The following SDHAF3 variants were observed in gnomAD, a reference collection of about 807,000 sequenced individuals.
The protein encoded by SDHAF3 is succinate dehydrogenase assembly factor 3, mitochondrial.
In SDHAF3, 18 loss-of-function variants were observed where a neutral mutation model predicts 11.5. The observed-to-expected ratio is 1.56, with a 90% CI of 1.08 to 2.32. The LOEUF is 2.32. Ranked by LOEUF, SDHAF3 falls within the 30% of genes most tolerant of loss-of-function variation. SDHAF3 has a pLI of 0.00. For synonymous variants in SDHAF3, 72 were observed against 59.3 expected, an observed-to-expected ratio of 1.21 and a Z score of -0.99; for missense variants, 200 against 154.4, an observed-to-expected ratio of 1.30 and a Z score of -1.57.
At chr7:97,171,630 A>G (rs1789602755) in intron 1 of SDHAF3, among the ~76,000 whole-genome samples, 1 of 152,100 alleles carries the variant, frequency 6.6e-6, no homozygotes, top group East Asian at 1.9e-4. Flanking sequence ...GAGTACCTTA[A>G]TAATGCTATT....
intron 1 of SDHAF3, among the ~76,000 whole-genome samples, chr7:97,146,687 A>G (rs141433643): frequency 2.0e-4 from 30 of 152,176 alleles, no homozygotes; most frequent in African/African-American, 7.2e-4. Context: ...TTGGGATACC[A>G]AAGAAACTCA....
chr7:97,128,339 A>G (rs1191161420), intron 1 of SDHAF3, among the ~76,000 whole-genome samples: 1 of 152,210 alleles, frequency 6.6e-6, no homozygotes, highest in East Asian at 1.9e-4. Flanking sequence ...CTACTTAGGA[A>G]TATTTAATTT....
rs563418514 is a variant in SDHAF3, at chr7:97,147,311, A to G, written c.174+29414A>G. 5.3e-5 allele frequency among the ~76,000 whole-genome samples: 8 copies of G among 152,322 alleles called. No homozygotes were observed. In the South Asian group the frequency reaches 1.4e-3, roughly 28 times the overall value. ...AGAATTTCAAAATTAGATCTTGTGC[A>G]TTATTTGTGCTCTCATAATTCATTG... On this transcript the variant is annotated intron_variant, in intron 1 of 1. Coordinates refer to ENST00000432641, the MANE Select transcript of SDHAF3 (RefSeq NM_020186.3).
chr7:97,155,722 C>G (rs1463768870), intron 1 of SDHAF3, among the ~76,000 whole-genome samples: 1 of 152,072 alleles, frequency 6.6e-6, no homozygotes, highest in Non-Finnish European at 1.5e-5. Flanking sequence ...GATATATGGA[C>G]AGTAGTATCA....
chr7:97,122,145 C>T (rs1036170217), intron 1 of SDHAF3, among the ~76,000 whole-genome samples: 14 of 152,246 alleles, frequency 9.2e-5, no homozygotes, highest in East Asian at 1.9e-4. Flanking sequence ...CGTGAGCCAC[C>T]GCGCCCGGCC....
intron 1 of SDHAF3, among the ~76,000 whole-genome samples, chr7:97,130,139 G>A (rs964657172): frequency 6.6e-6 from 1 of 152,094 alleles, no homozygotes; most frequent in East Asian, 1.9e-4. Context: ...GGATGTGGTG[G>A]TGGATGCCTG....
At chr7:97,167,606 A>C (rs547407568) in intron 1 of SDHAF3, among the ~76,000 whole-genome samples, 1 of 152,194 alleles carries the variant, frequency 6.6e-6, no homozygotes, top group Non-Finnish European at 1.5e-5. Flanking sequence ...TTATTATTCA[A>C]ATCAATCTCT....
chr7:97,143,011 C>T (rs551844199), intron 1 of SDHAF3, among the ~76,000 whole-genome samples: 6 of 150,732 alleles, frequency 4.0e-5, no homozygotes, highest in South Asian at 4.2e-4. Flanking sequence ...GCGATTCTCC[C>T]GCCTCAACCT....
At chr7:97,143,986 C>T (rs187537029) in intron 1 of SDHAF3, among the ~76,000 whole-genome samples, 13 of 152,242 alleles carry the variant, frequency 8.5e-5, no homozygotes, top group Admixed American at 1.3e-4. Flanking sequence ...ACCGCATCCA[C>T]GCCAACATCT....
At chr7:97,133,151 A>C (rs1791695183) in intron 1 of SDHAF3, among the ~76,000 whole-genome samples, 1 of 152,200 alleles carries the variant, frequency 6.6e-6, no homozygotes, top group Admixed American at 6.5e-5. Context: ...TTTAAGAAAC[A>C]CCGAGTGGGA....
rs543416143 is a variant in SDHAF3 at position 97,154,077 on chromosome 7, G to A, written c.175-26935G>A. 4.6e-5 allele frequency among the ~76,000 whole-genome samples: 7 copies of A among 152,216 alleles called. No homozygotes were observed. In the East Asian group the frequency reaches 1.4e-3, roughly 29 times the overall value. ...TTAGTTCTTATAGGTTTTGGGATAG[G>A]CGGTGGAGTTAGGAGCAATGTTTTG... On this transcript the variant is annotated intron_variant, in intron 1 of 1. Transcript: ENST00000432641.
At chr7:97,141,614 A>G (rs1259387190) in intron 1 of SDHAF3, among the ~76,000 whole-genome samples, 1 of 152,120 alleles carries the variant, frequency 6.6e-6, no homozygotes, top group Non-Finnish European at 1.5e-5. Context: ...CCTGAGATTA[A>G]GAGTCTCATG....
At chr7:97,169,707 G>GTAGAGTGAA (rs1387775090) in intron 1 of SDHAF3, among the ~76,000 whole-genome samples, 1 of 151,890 alleles carries the variant, frequency 6.6e-6, no homozygotes. Flanking sequence ...CAGTTTTTCT[G>GTAGAGTGAA]TAGAGTGAAA....
chr7:97,165,248 C>T (rs188667989), intron 1 of SDHAF3, among the ~76,000 whole-genome samples: 1 of 151,958 alleles, frequency 6.6e-6, no homozygotes, highest in African/African-American at 2.4e-5. Context: ...GATCGTGCCA[C>T]TGCACTCCAG....
intron 1 of SDHAF3, among the ~76,000 whole-genome samples, chr7:97,147,308 T>C (rs761282333): frequency 1.3e-5 from 2 of 152,254 alleles, no homozygotes; most frequent in Non-Finnish European, 2.9e-5. Flanking sequence ...TTAGATCTTG[T>C]GCATTATTTG....
At chr7:97,132,396 G>A (rs151014089) in intron 1 of SDHAF3, among the ~76,000 whole-genome samples, 1 of 152,088 alleles carries the variant, frequency 6.6e-6, no homozygotes, top group African/African-American at 2.4e-5. Context: ...TTACGTAACC[G>A]TTAGAAAAAA....
chr7:97,118,648 T>G (rs1014058498), intron 1 of SDHAF3, among the ~76,000 whole-genome samples: 27 of 151,620 alleles, frequency 1.8e-4, no homozygotes, highest in Admixed American at 1.7e-3. Flanking sequence ...TTTGCAAATA[T>G]AAATAAATGA....
intron 1 of SDHAF3, among the ~76,000 whole-genome samples, chr7:97,132,419 A>G (rs569154009): frequency 2.6e-5 from 4 of 152,180 alleles, no homozygotes; most frequent in African/African-American, 7.2e-5. Flanking sequence ...TTTGGAGTCT[A>G]TAGGGCTCTA....
chr7:97,149,548 T>G (rs987666803), intron 1 of SDHAF3, among the ~76,000 whole-genome samples: 5 of 152,238 alleles, frequency 3.3e-5, no homozygotes, highest in African/African-American at 1.2e-4. Flanking sequence ...TGTGGGTTTT[T>G]TGGTTTCCCA....
Sources: allele counts gnomAD v4.1 joint callset (sites outside exome capture counted in the v4.1 genomes callset), GRCh38; gene constraint gnomAD v4.1.1; transcripts MANE v1.5; gene names NCBI Gene and HGNC (gene_info 2026-07-23, HGNC 2026-07-21).